Variants in PDLIM5 observed in about 807,000 individuals in gnomAD.
The protein encoded by PDLIM5 is PDZ and LIM domain protein 5.
In PDLIM5, 34 loss-of-function variants were observed where a neutral mutation model predicts 64.2. That is an observed-to-expected ratio of 0.53 (90% CI 0.40 to 0.71). The LOEUF is 0.71. Ranked by LOEUF, PDLIM5 falls within the 30% of genes least tolerant of loss-of-function variation. PDLIM5 has a pLI of 0.00. For synonymous variants in PDLIM5, 253 were observed against 269.1 expected (o/e 0.94, Z 0.59); for missense variants, 683 against 733.6 (o/e 0.93, Z 0.80).
intron 3 of PDLIM5, among the ~76,000 whole-genome samples, chr4:94,570,799 T>A (rs1408322551): frequency 6.6e-6 from 1 of 152,110 alleles, no homozygotes; most frequent in Non-Finnish European, 1.5e-5. Context: ...AAGATGGCCA[T>A]GCTGTGGGAA....
chr4:94,556,864 A>G (rs985687256), intron 3 of PDLIM5, among the ~76,000 whole-genome samples: 1 of 151,862 alleles, frequency 6.6e-6, no homozygotes, highest in Non-Finnish European at 1.5e-5. Flanking sequence ...TTGCCTGTTC[A>G]CTCTGATGGT....
At chr4:94,596,867 C>T (rs1737106287) in intron 7 of PDLIM5, among the ~76,000 whole-genome samples, 1 of 152,068 alleles carries the variant, frequency 6.6e-6, no homozygotes, top group South Asian at 2.1e-4. Flanking sequence ...TTGCTTTTAT[C>T]TAAAAATTAG....
At chr4:94,662,837 CCT>C (rs2110510499) in intron 12 of PDLIM5, among the ~76,000 whole-genome samples, 1 of 149,112 alleles carries the variant, frequency 6.7e-6, no homozygotes, top group Admixed American at 6.7e-5. Flanking sequence ...AAAAAAAAAA[CCT>C]CTGTTACTGG....
chr4:94,526,604 C>G (rs1213425051), intron 3 of PDLIM5, among the ~76,000 whole-genome samples: 1 of 152,058 alleles, frequency 6.6e-6, no homozygotes, highest in African/African-American at 2.4e-5. Context: ...ATACTTTTGC[C>G]TTTTAAGGAA....
Position 94,625,331 on chromosome 4 carries a change from T to C in PDLIM5, c.1108+7140T>C, listed in dbSNP as rs185996284. 2.8e-3 allele frequency among the ~76,000 whole-genome samples: 428 copies of C among 152,328 alleles called. 4 individuals carry two copies. Among genetic ancestry groups the C allele is most frequent in the African/African-American group, 9.9e-3 (411 of 41,568 alleles). ...GGTGTTGACAAGAAATTAGTGGATA[T>C]TATTAAACGTGTCCATGGAGGCAGG... On this transcript the variant is annotated intron_variant, in intron 8 of 12. Transcript: ENST00000317968.
At chr4:94,547,938 G>T (rs1039576156) in intron 3 of PDLIM5, among the ~76,000 whole-genome samples, 4 of 152,030 alleles carry the variant, frequency 2.6e-5, no homozygotes, top group Non-Finnish European at 4.4e-5. Flanking sequence ...CTCACTCCTG[G>T]TAAGTACAGT....
chr4:94,515,468 T>C (rs1729280158), intron 2 of PDLIM5, among the ~76,000 whole-genome samples: 1 of 152,218 alleles, frequency 6.6e-6, no homozygotes, highest in African/African-American at 2.4e-5. Context: ...CTTTTTGTTT[T>C]GAAATATCTT....
intron 7 of PDLIM5, among the ~76,000 whole-genome samples, chr4:94,588,810 GT>G (rs1736453592): frequency 6.6e-6 from 1 of 152,108 alleles, no homozygotes; most frequent in African/African-American, 2.4e-5. Context: ...TTATAGTCTA[GT>G]ACAACTGCTT....
At chr4:94,512,620 ATT>A (rs111333038) in intron 2 of PDLIM5, among the ~76,000 whole-genome samples, 343 of 149,780 alleles carry the variant, frequency 2.3e-3, no homozygotes, top group African/African-American at 7.9e-3. Context: ...GGATTATTAG[ATT>A]TTTTTTTTCA....
At chr4:94,474,069 C>G (rs1725110118) in intron 2 of PDLIM5, among the ~76,000 whole-genome samples, 1 of 152,086 alleles carries the variant, frequency 6.6e-6, no homozygotes, top group Non-Finnish European at 1.5e-5. Context: ...GGGTAATCAC[C>G]AAAGTAACAT....
chr4:94,523,620 T>A, intron 2 of PDLIM5, 104 bp from the exon 3 acceptor site: 8 of 668,264 alleles, frequency 1.2e-5, no homozygotes, highest in Non-Finnish European at 2.0e-5. Context: ...GTTACTTCAA[T>A]AGTATATTAA....
At chr4:94,646,343 T>C (rs963403003) in intron 9 of PDLIM5, among the ~76,000 whole-genome samples, 5 of 152,146 alleles carry the variant, frequency 3.3e-5, no homozygotes, top group African/African-American at 1.2e-4. Flanking sequence ...CTGACACATA[T>C]TGAGGGAAGA....
At chr4:94,643,435 A>G (rs911155087) in intron 9 of PDLIM5, among the ~76,000 whole-genome samples, 1 of 152,156 alleles carries the variant, frequency 6.6e-6, no homozygotes, top group Admixed American at 6.5e-5. Flanking sequence ...ATAATAGAGA[A>G]TCATAGAAAA....
At chr4:94,554,486 A>G (rs1367142827) in intron 3 of PDLIM5, among the ~76,000 whole-genome samples, 3 of 152,184 alleles carry the variant, frequency 2.0e-5, no homozygotes, top group Non-Finnish European at 2.9e-5. Flanking sequence ...ATACGTTCAT[A>G]CATATATATA....
intron 8 of PDLIM5, among the ~76,000 whole-genome samples, chr4:94,622,886 G>T (rs934235584): frequency 6.6e-6 from 1 of 152,002 alleles, no homozygotes; most frequent in Non-Finnish European, 1.5e-5. Flanking sequence ...GGCCAGGATG[G>T]TCTCAATCTC....
intron 6 of PDLIM5, among the ~76,000 whole-genome samples, chr4:94,586,068 C>A (rs1736168815): frequency 6.6e-6 from 1 of 151,882 alleles, no homozygotes; most frequent in Admixed American, 6.6e-5. Flanking sequence ...TACTTGGGAG[C>A]CTGAGGCAGG....
intron 8 of PDLIM5, among the ~76,000 whole-genome samples, chr4:94,625,704 C>T (rs944982250): frequency 3.9e-5 from 6 of 152,080 alleles, no homozygotes; most frequent in African/African-American, 9.7e-5. Flanking sequence ...CTGCCCGCCT[C>T]GGCCTCCCAA....
intron 3 of PDLIM5, among the ~76,000 whole-genome samples, chr4:94,554,807 C>T (rs958867949): frequency 3.3e-5 from 5 of 152,158 alleles, no homozygotes; most frequent in Admixed American, 2.6e-4. Flanking sequence ...CTATATATAT[C>T]TGTATCTGTG....
chr4:94,595,635 A>G (rs1737013534), intron 7 of PDLIM5, among the ~76,000 whole-genome samples: 1 of 152,190 alleles, frequency 6.6e-6, no homozygotes. Context: ...AACTTTGTTG[A>G]TATTCATTGA....
Sources: gnomAD v4.1 joint callset for allele counts (sites outside exome capture counted in the v4.1 genomes callset) on GRCh38, gnomAD v4.1.1 for gene constraint, MANE v1.5 for transcripts, NCBI Gene and HGNC (gene_info 2026-07-23, HGNC 2026-07-21) for gene names.